Variants in SEMA6D observed in about 807,000 individuals in gnomAD.
The protein encoded by SEMA6D is semaphorin-6D.
A neutral mutation model predicts 106.6 loss-of-function variants in SEMA6D; 35 were observed. The observed-to-expected ratio is 0.33, with a 90% CI of 0.25 to 0.44. The LOEUF is 0.44. SEMA6D is among the 20% of genes least tolerant of loss of function. The pLI, the probability that SEMA6D is intolerant of heterozygous loss-of-function variation, is 1.00. For missense variants in SEMA6D, 1,185 were observed against 1,345.9 expected (o/e 0.88, Z 1.87); for synonymous variants, 499 against 487.7 (o/e 1.02, Z -0.31).
chr15:47,190,363 T>A (rs1893878418), intron 1 of SEMA6D, among the ~76,000 whole-genome samples: 1 of 152,160 alleles, frequency 6.6e-6, no homozygotes. Flanking sequence ...ATTTACCAAG[T>A]GTATTAATTT....
rs16959986 is a variant in SEMA6D at position 47,730,673 on chromosome 15, G to A, written c.-55+12981G>A. 4.9e-4 allele frequency: 796 copies of A among 1,608,688 alleles called. 11 individuals carry two copies. The East Asian group carries it at 0.015, about 30-fold the overall frequency. On this transcript the variant is annotated intron_variant, in intron 1 of 18. Transcript: ENST00000536845. ...CAGCTTATGCAGCTCGCTGTTTGGC[G>A]GTCCAGGGCCTGGGTGAACTGGTTA... is the stretch of plus-strand genomic sequence containing the variant.
At chr15:47,295,126 G>A (rs963006370) in intron 1 of SEMA6D, among the ~76,000 whole-genome samples, 1 of 152,148 alleles carries the variant, frequency 6.6e-6, no homozygotes, top group African/African-American at 2.4e-5. Flanking sequence ...TAGCTGAAAG[G>A]CCTGTGTTTA....
At chr15:47,614,562 A>G (rs949335687) in intron 4 of SEMA6D, among the ~76,000 whole-genome samples, 1 of 152,210 alleles carries the variant, frequency 6.6e-6, no homozygotes, top group Non-Finnish European at 1.5e-5. Context: ...GCAGTCAGCC[A>G]GTCAGTCCCT....
intron 1 of SEMA6D, among the ~76,000 whole-genome samples, chr15:47,227,962 T>TCTTATATATATTTTTATATGTAAGAAC (rs2031880578): frequency 7.0e-6 from 1 of 142,988 alleles, no homozygotes; most frequent in African/African-American, 2.5e-5. Flanking sequence ...TATGTAAGAA[T>TCTTATATATATTTTTATATGTAAGAAC]CTTATATATA....
chr15:47,253,307 T>C (rs2141965648), intron 1 of SEMA6D, among the ~76,000 whole-genome samples: 1 of 152,324 alleles, frequency 6.6e-6, no homozygotes, highest in South Asian at 2.1e-4. Flanking sequence ...TTTTGCAGGT[T>C]GTCTCTTTGC....
chr15:47,356,396 C>T (rs2038570904), intron 1 of SEMA6D, among the ~76,000 whole-genome samples: 1 of 152,014 alleles, frequency 6.6e-6, no homozygotes, highest in Non-Finnish European at 1.5e-5. Context: ...GAGAAGTGCC[C>T]CACAGTACAC....
chr15:47,679,078 A>G (rs1018543696), intron 4 of SEMA6D, among the ~76,000 whole-genome samples: 4 of 152,254 alleles, frequency 2.6e-5, no homozygotes, highest in Non-Finnish European at 4.4e-5. Context: ...GTCCGATGTT[A>G]TACACTGTGT....
intron 1 of SEMA6D, among the ~76,000 whole-genome samples, chr15:47,734,403 G>T (rs1004535870): frequency 3.9e-5 from 6 of 152,150 alleles, no homozygotes; most frequent in Admixed American, 3.9e-4. Context: ...CCCATGCTTG[G>T]AATGTTCTGC....
intron 1 of SEMA6D, among the ~76,000 whole-genome samples, chr15:47,728,401 C>G (rs912933247): frequency 6.6e-6 from 1 of 152,220 alleles, no homozygotes; most frequent in Non-Finnish European, 1.5e-5. Flanking sequence ...AATTCATACT[C>G]TGTGTGGTGA....
intron 4 of SEMA6D, among the ~76,000 whole-genome samples, chr15:47,623,181 A>G (rs2077139943): frequency 6.6e-6 from 1 of 152,208 alleles, no homozygotes; most frequent in Non-Finnish European, 1.5e-5. Flanking sequence ...ATCATGGTCC[A>G]TGAGCCCCTC....
chr15:47,740,190 T>C (rs974929554), intron 1 of SEMA6D, among the ~76,000 whole-genome samples: 2 of 152,276 alleles, frequency 1.3e-5, no homozygotes, highest in South Asian at 4.1e-4. Flanking sequence ...TTTGTCAGGT[T>C]GGGTTATAGT....
chr15:47,644,578 T>G (rs2077546665), intron 4 of SEMA6D, among the ~76,000 whole-genome samples: 1 of 152,186 alleles, frequency 6.6e-6, no homozygotes, highest in African/African-American at 2.4e-5. Context: ...GCAGGTGCCC[T>G]TACAAAGGGG....
chr15:47,266,023 G>T (rs1036257905), intron 1 of SEMA6D, among the ~76,000 whole-genome samples: 2 of 152,048 alleles, frequency 1.3e-5, no homozygotes, highest in Non-Finnish European at 2.9e-5. Flanking sequence ...AAGGCATAAG[G>T]TTCTTAGCAA....
chr15:47,262,312 G>T (rs967357317), intron 1 of SEMA6D, among the ~76,000 whole-genome samples: 2 of 152,084 alleles, frequency 1.3e-5, no homozygotes, highest in African/African-American at 4.8e-5. Flanking sequence ...CTATTAGTCT[G>T]TTCTCACACT....
At chr15:47,207,596 ATGG>A (rs1329027542) in intron 1 of SEMA6D, among the ~76,000 whole-genome samples, 1 of 152,190 alleles carries the variant, frequency 6.6e-6, no homozygotes, top group African/African-American at 2.4e-5. Flanking sequence ...CAAGAATTTC[ATGG>A]TTTGAGAAGA....
chr15:47,487,764 G>A (rs1299426547), intron 3 of SEMA6D, among the ~76,000 whole-genome samples: 1 of 152,152 alleles, frequency 6.6e-6, no homozygotes, highest in African/African-American at 2.4e-5. Flanking sequence ...CCTTACAGAT[G>A]CTTCTGTATG....
intron 1 of SEMA6D, among the ~76,000 whole-genome samples, chr15:47,318,536 C>T (rs900666033): frequency 1.2e-4 from 18 of 148,634 alleles, no homozygotes; most frequent in Middle Eastern, 3.4e-3. Context: ...TTTGTTCTTG[C>T]GATAGTTTAC....
chr15:47,294,701 C>G (rs918880214), intron 1 of SEMA6D, among the ~76,000 whole-genome samples: 1 of 152,132 alleles, frequency 6.6e-6, no homozygotes, highest in African/African-American at 2.4e-5. Flanking sequence ...GATAGCATGC[C>G]TCTGGGTCCC....
chr15:47,284,204 A>G (rs2142615300), intron 1 of SEMA6D, among the ~76,000 whole-genome samples: 1 of 152,356 alleles, frequency 6.6e-6, no homozygotes, highest in South Asian at 2.1e-4. Context: ...ATAGATGTGA[A>G]GATGTTTGAA....
Sources: gnomAD v4.1 joint callset for allele counts (sites outside exome capture counted in the v4.1 genomes callset) on GRCh38, gnomAD v4.1.1 for gene constraint, MANE v1.5 for transcripts, NCBI Gene and HGNC (gene_info 2026-07-23, HGNC 2026-07-21) for gene names.